Variants in CCDC60 observed in about 807,000 individuals in gnomAD.
The protein encoded by CCDC60 is coiled-coil domain containing 60, also known as coiled-coil domain-containing protein 60.
A neutral mutation model predicts 63.5 loss-of-function variants in CCDC60; 54 were observed. The observed-to-expected ratio is 0.85, with a 90% confidence interval of 0.68 to 1.07. The LOEUF (loss-of-function observed/expected upper bound fraction) is 1.07, where lower values mean the gene tolerates loss of function less well. Among genes scored for constraint, CCDC60 ranks in the 50% least tolerant of loss-of-function variants. CCDC60 has a pLI of 0.00. For missense variants in CCDC60, 651 were observed against 684.3 expected (o/e 0.95, Z 0.54); for synonymous variants, 206 against 238.8 (o/e 0.86, Z 1.27).
At chr12:119,394,540 T>C (rs921995078) in intron 1 of CCDC60, among the ~76,000 whole-genome samples, 6 of 152,172 alleles carry the variant, frequency 3.9e-5, no homozygotes. Flanking sequence ...AGTTGCACTT[T>C]CTAGTTACTC....
intron 1 of CCDC60, among the ~76,000 whole-genome samples, chr12:119,424,609 G>T (rs1451625559): frequency 6.6e-6 from 1 of 152,018 alleles, no homozygotes; most frequent in African/African-American, 2.4e-5. Flanking sequence ...AGTGATTTTT[G>T]AATGTTTTAT....
At chr12:119,528,577 A>T in intron 11 of CCDC60, 38 bp from the exon 12 acceptor site, 2 of 1,594,160 alleles carry the variant, frequency 1.3e-6, no homozygotes, top group Non-Finnish European at 8.6e-7. Flanking sequence ...GGAGGAGGGG[A>T]TCTCATTCTT....
intron 5 of CCDC60, among the ~76,000 whole-genome samples, chr12:119,497,504 C>T (rs1951740711): frequency 6.6e-6 from 1 of 152,192 alleles, no homozygotes; most frequent in Admixed American, 6.5e-5. Context: ...CTCATTTAGC[C>T]TGCTGCTTGA....
intron 1 of CCDC60, among the ~76,000 whole-genome samples, chr12:119,364,536 A>G (rs2136169296): frequency 6.6e-6 from 1 of 152,298 alleles, no homozygotes; most frequent in East Asian, 1.9e-4. Flanking sequence ...GAGACTCATC[A>G]TGTTGTTGGA....
chr12:119,480,639 TATC>T (rs765453333), intron 4 of CCDC60, among the ~76,000 whole-genome samples: 3 of 77,144 alleles, frequency 3.9e-5, no homozygotes, highest in Non-Finnish European at 8.5e-5. Flanking sequence ...TCACCATCAT[TATC>T]ACCATCATCA....
intron 1 of CCDC60, among the ~76,000 whole-genome samples, chr12:119,350,819 G>T (rs1955648937): frequency 6.6e-6 from 1 of 152,162 alleles, no homozygotes; most frequent in Admixed American, 6.5e-5. Context: ...GGGGTGTCCT[G>T]CATACTGGTG....
At chr12:119,374,772 G>T (rs2136179556) in intron 1 of CCDC60, among the ~76,000 whole-genome samples, 1 of 152,292 alleles carries the variant, frequency 6.6e-6, no homozygotes, top group African/African-American at 2.4e-5. Context: ...AGTTTTCTGG[G>T]AAAGGGGCAG....
At chr12:119,400,317 G>A (rs1392257742) in intron 1 of CCDC60, among the ~76,000 whole-genome samples, 2 of 152,336 alleles carry the variant, frequency 1.3e-5, no homozygotes, top group Admixed American at 6.5e-5. Flanking sequence ...CCAAAGTGCC[G>A]GGATTACAGG....
intron 1 of CCDC60, among the ~76,000 whole-genome samples, chr12:119,339,420 T>G (rs1955508607): frequency 6.6e-6 from 1 of 152,202 alleles, no homozygotes; most frequent in Non-Finnish European, 1.5e-5. Flanking sequence ...GCATCCCTAA[T>G]TTGGGCAGAT....
At chr12:119,488,355 T>C (rs1951506303) in intron 4 of CCDC60, among the ~76,000 whole-genome samples, 1 of 152,198 alleles carries the variant, frequency 6.6e-6, no homozygotes, top group Non-Finnish European at 1.5e-5. Flanking sequence ...TGGACATACA[T>C]AGGATGCTGA....
At chr12:119,370,292 T>C (rs1955884302) in intron 1 of CCDC60, among the ~76,000 whole-genome samples, 1 of 152,248 alleles carries the variant, frequency 6.6e-6, no homozygotes, top group Admixed American at 6.5e-5. Flanking sequence ...AGTTGCCAAA[T>C]GTCAGGCAGA....
chr12:119,437,664 C>T (rs1950352634), intron 2 of CCDC60, among the ~76,000 whole-genome samples: 2 of 152,190 alleles, frequency 1.3e-5, no homozygotes, highest in African/African-American at 2.4e-5. Context: ...TTCTGCATCT[C>T]ATCGTTCAAC....
chr12:119,346,637 C>T (rs1288603504), intron 1 of CCDC60, among the ~76,000 whole-genome samples: 1 of 152,060 alleles, frequency 6.6e-6, no homozygotes, highest in Non-Finnish European at 1.5e-5. Context: ...TGACTGTGCC[C>T]GTGACCACAG....
chr12:119,428,594 A>G, intron 1 of CCDC60, 89 bp from the exon 2 acceptor site: 1 of 859,516 alleles, frequency 1.2e-6, no homozygotes, highest in Admixed American at 2.1e-5. Flanking sequence ...CATACATCTC[A>G]GAGAAACCCA....
At position 119,440,497 on chromosome 12, in the gene CCDC60, T is replaced by C. The variant is rs141748492; in HGVS notation, c.170+11735T>C. 6.2e-3 allele frequency among the ~76,000 whole-genome samples: 940 copies of C among 152,214 alleles called. 12 individuals are homozygous for C. The highest frequency in any genetic ancestry group is 0.021 in the African/African-American group (888 of 41,536). ...GTGAGCTGAGATCGCGCCACTGCACTCCAGCCTGGGTGACAGAGTGAGACT... is the reference window on the plus strand; with the variant it reads ...GTGAGCTGAGATCGCGCCACTGCACCCCAGCCTGGGTGACAGAGTGAGACT... On this transcript the variant is annotated intron_variant, in intron 2 of 13. Transcript: ENST00000327554.
intron 1 of CCDC60, among the ~76,000 whole-genome samples, chr12:119,393,763 G>A (rs1000005053): frequency 1.2e-4 from 18 of 152,210 alleles, no homozygotes; most frequent in African/African-American, 4.1e-4. Flanking sequence ...TCAGTCTGGA[G>A]CTTCCTGCTT....
chr12:119,536,582 C>T (rs547165107), intron 13 of CCDC60, among the ~76,000 whole-genome samples: 96 of 152,262 alleles, frequency 6.3e-4, no homozygotes, highest in Admixed American at 4.4e-3. Flanking sequence ...TTAGTGCTTC[C>T]TTCAGGCACT....
chr12:119,526,652 A>G (rs1011972956), intron 11 of CCDC60, among the ~76,000 whole-genome samples: 4 of 152,254 alleles, frequency 2.6e-5, no homozygotes, highest in Admixed American at 2.0e-4. Flanking sequence ...CAAGAAGCAT[A>G]TTTTAAAAAG....
intron 1 of CCDC60, among the ~76,000 whole-genome samples, chr12:119,373,529 C>G (rs1297387727): frequency 1.3e-5 from 2 of 152,172 alleles, no homozygotes; most frequent in Non-Finnish European, 2.9e-5. Context: ...AGGACCATGT[C>G]TGTCACCGTG....
Sources: allele counts gnomAD v4.1 joint callset (sites outside exome capture counted in the v4.1 genomes callset), GRCh38; gene constraint gnomAD v4.1.1; transcripts MANE v1.5; gene names NCBI Gene and HGNC (gene_info 2026-07-23, HGNC 2026-07-21).